RSPH14: variants seen among roughly 807,000 people sequenced by gnomAD.
RSPH14 encodes the protein radial spoke head 14 homolog, also known as rhabdoid tumor deletion region gene 1.
A neutral mutation model predicts 26.7 loss-of-function variants in RSPH14; 20 were observed. The ratio of observed to expected loss-of-function variants is 0.75; its 90% CI spans 0.53 to 1.09. RSPH14 has a LOEUF of 1.09. Among genes scored for constraint, RSPH14 ranks in the 50% least tolerant of loss-of-function variants. The probability of loss-of-function intolerance (pLI) is 0.00; values close to 1 mark genes in which losing one functional copy is unlikely to be tolerated. For synonymous variants in RSPH14, 177 were observed against 189.3 expected (o/e 0.93, Z 0.53); for missense variants, 449 against 457.2 (o/e 0.98, Z 0.16).
At chr22:23,084,485 C>A (rs2068763739) in intron 4 of RSPH14, among the ~76,000 whole-genome samples, 1 of 152,130 alleles carries the variant, frequency 6.6e-6, no homozygotes, top group African/African-American at 2.4e-5. Flanking sequence ...AGGACATAAC[C>A]CCATCCTAAG....
At chr22:23,067,567 G>A (rs959120451) in intron 4 of RSPH14, among the ~76,000 whole-genome samples, 1 of 152,220 alleles carries the variant, frequency 6.6e-6, no homozygotes, top group Non-Finnish European at 1.5e-5. Flanking sequence ...GCTCCAAGGG[G>A]TGCTTCTCTG....
At chr22:23,157,697 C>T in the RSPH14 span, among the ~76,000 whole-genome samples, 2 of 152,216 alleles carry the variant, frequency 1.3e-5, no homozygotes, top group African/African-American at 2.4e-5. Flanking sequence ...CTCCCTTAGC[C>T]GTAAGTGGCA....
Position 23,078,025 on chromosome 22 carries a change from G to A in RSPH14, c.422-13892C>T, listed in dbSNP as rs1176643285. Among the ~76,000 whole-genome samples, 3 of 152,274 alleles carry A rather than the reference G, an allele frequency of 2.0e-5. No homozygotes were observed. In the East Asian group the frequency reaches 5.8e-4, roughly 29 times the overall value. On this transcript the variant is annotated intron_variant, in intron 4 of 6. Transcript: ENST00000216036. ...CTGGCCTTAGCTGCCCCAGCTGCAT[G>A]TGGCCTCAGGCCAGCCCCACCCAGC...
At chr22:23,088,632 G>A (rs1396774061) in intron 4 of RSPH14, among the ~76,000 whole-genome samples, 3 of 152,172 alleles carry the variant, frequency 2.0e-5, no homozygotes, top group Non-Finnish European at 4.4e-5. Context: ...GGTCAGCTCC[G>A]GTAGGGTGGA....
the RSPH14 span, among the ~76,000 whole-genome samples, chr22:23,178,729 C>T: frequency 2.0e-5 from 3 of 152,170 alleles, no homozygotes; most frequent in Admixed American, 6.5e-5. Flanking sequence ...CAGGCAATCA[C>T]GAAATCGACC....
At chr22:23,157,489 G>A in the RSPH14 span, among the ~76,000 whole-genome samples, 2 of 152,080 alleles carry the variant, frequency 1.3e-5, no homozygotes, top group Non-Finnish European at 2.9e-5. Flanking sequence ...TTGATCTCCT[G>A]ACTTAGTGAT....
At chr22:23,169,398 G>A in the RSPH14 span, among the ~76,000 whole-genome samples, 23,781 of 152,250 alleles carry the variant, frequency 0.16, 1,944 homozygotes, top group African/African-American at 0.19. Context: ...CCCTCCTCTG[G>A]CCTCCAGCCT....
At chr22:23,127,875 A>T (rs1442723324) in intron 4 of RSPH14, among the ~76,000 whole-genome samples, 1 of 152,150 alleles carries the variant, frequency 6.6e-6, no homozygotes, top group Admixed American at 6.5e-5. Flanking sequence ...AAGGTCACGG[A>T]GCCAATTTCC....
At chr22:23,062,260 A>T (rs1417767557) in intron 5 of RSPH14, among the ~76,000 whole-genome samples, 1 of 152,228 alleles carries the variant, frequency 6.6e-6, no homozygotes, top group Non-Finnish European at 1.5e-5. Flanking sequence ...AGGGGTGTCA[A>T]CCACAGGGAG....
chr22:23,170,569 T>TC, the RSPH14 span, among the ~76,000 whole-genome samples: 1 of 150,282 alleles, frequency 6.7e-6, no homozygotes, highest in African/African-American at 2.5e-5. Context: ...GGCAACATGG[T>TC]GAAAAAAAAA....
At chr22:23,086,279 C>T (rs888585177) in intron 4 of RSPH14, among the ~76,000 whole-genome samples, 2 of 152,232 alleles carry the variant, frequency 1.3e-5, no homozygotes, top group African/African-American at 4.8e-5. Flanking sequence ...GGCCTGCAGA[C>T]TCCCAGCCAG....
chr22:23,083,055 A>T (rs2068724451), intron 4 of RSPH14, among the ~76,000 whole-genome samples: 1 of 152,028 alleles, frequency 6.6e-6, no homozygotes. Flanking sequence ...TGGGAGAGTG[A>T]AGGAGGAGGG....
At chr22:23,180,482 T>G in the RSPH14 span, 47,713 of 165,018 alleles carry the variant, frequency 0.29, 7,105 homozygotes, top group East Asian at 0.34. Context: ...CGCGGCCACC[T>G]CCCCCCGGCC....
At chr22:23,088,735 A>C (rs2068883973) in intron 4 of RSPH14, among the ~76,000 whole-genome samples, 1 of 152,150 alleles carries the variant, frequency 6.6e-6, no homozygotes. Flanking sequence ...TTGAGGCTAG[A>C]GAGTCCTGCA....
the RSPH14 span, among the ~76,000 whole-genome samples, chr22:23,172,948 T>TA: frequency 2.5e-3 from 350 of 140,048 alleles, 4 homozygotes; most frequent in African/African-American, 7.5e-3. Context: ...AGACTGCATC[T>TA]AAAAAAAAAA....
At chr22:23,070,215 G>C (rs959778748) in intron 4 of RSPH14, 3 of 150,978 alleles carry the variant, frequency 2.0e-5, no homozygotes, top group Non-Finnish European at 3.0e-5. Context: ...CGCTCGTGGC[G>C]GGGCGGAGGT....
At chr22:23,126,327 C>T (rs2146414132) in intron 4 of RSPH14, among the ~76,000 whole-genome samples, 1 of 152,306 alleles carries the variant, frequency 6.6e-6, no homozygotes, top group Admixed American at 6.5e-5. Flanking sequence ...ACCTCAGGCG[C>T]TGTCGACCTC....
chr22:23,097,845 G>A (rs772445060), intron 4 of RSPH14, among the ~76,000 whole-genome samples: 2 of 152,268 alleles, frequency 1.3e-5, no homozygotes, highest in Non-Finnish European at 2.9e-5. Context: ...GGGTCTGCCA[G>A]TCACACGGGC....
chr22:23,106,915 C>G (rs2069498442), intron 4 of RSPH14, among the ~76,000 whole-genome samples: 1 of 152,158 alleles, frequency 6.6e-6, no homozygotes. Flanking sequence ...TACTACGGGT[C>G]ACCCCACCCC....
Sources: gnomAD v4.1 joint callset for allele counts (sites outside exome capture counted in the v4.1 genomes callset) on GRCh38, gnomAD v4.1.1 for gene constraint, MANE v1.5 for transcripts, NCBI Gene and HGNC (gene_info 2026-07-23, HGNC 2026-07-21) for gene names.